CTNNA3: variants seen among roughly 807,000 people sequenced by gnomAD.
The protein encoded by CTNNA3 is catenin alpha-3.
Under a neutral mutation model 95.7 loss-of-function variants are expected in CTNNA3, and 76 were observed. That is an observed-to-expected ratio of 0.79 (90% CI 0.66 to 0.96). CTNNA3 has a LOEUF of 0.96. Ranked by LOEUF, CTNNA3 falls within the 40% of genes least tolerant of loss-of-function variation. The pLI, the probability that CTNNA3 is intolerant of heterozygous loss-of-function variation, is 0.00. For synonymous variants in CTNNA3, 431 were observed against 374.4 expected (o/e 1.15, Z -1.74); for missense variants, 1,191 against 1,089.8 (o/e 1.09, Z -1.31).
At chr10:67,485,759 C>T (rs1267216076) in intron 5 of CTNNA3, among the ~76,000 whole-genome samples, 3 of 152,174 alleles carry the variant, frequency 2.0e-5, no homozygotes, top group Non-Finnish European at 2.9e-5. Flanking sequence ...CAGAGGCTAA[C>T]GGCATACCTA....
Position 66,926,884 on chromosome 10 carries a change from T to C in CTNNA3, c.1048-151360A>G, listed in dbSNP as rs756867339. The C allele has an allele frequency of 1.8e-5, 27 of 1,517,746 alleles. No individual in the cohort carries two copies. In the South Asian group the frequency reaches 3.5e-4, roughly 19 times the overall value. The allele number at this position is 1,517,746 out of a possible 1,614,324, so 94.0% of individuals were successfully genotyped here. Reference sequence around the variant, plus strand: ...GCTTGATTAAGGATTAATTCTTTTTTGGGGGGATAACTTTTCTAAGTTGTT... The same window carrying C: ...GCTTGATTAAGGATTAATTCTTTTTCGGGGGGATAACTTTTCTAAGTTGTT... On this transcript the variant is annotated intron_variant, in intron 7 of 17. Coordinates refer to ENST00000433211, the MANE Select transcript of CTNNA3 (RefSeq NM_013266.4).
At chr10:67,199,100 C>T (rs1301271556) in intron 6 of CTNNA3, among the ~76,000 whole-genome samples, 4 of 151,588 alleles carry the variant, frequency 2.6e-5, no homozygotes, top group Admixed American at 1.3e-4. Flanking sequence ...AGGGGACTGA[C>T]AGGATAGAAG....
intron 14 of CTNNA3, among the ~76,000 whole-genome samples, chr10:66,101,679 T>A (rs565050480): frequency 6.6e-6 from 1 of 152,320 alleles, no homozygotes; most frequent in East Asian, 1.9e-4. Flanking sequence ...GATAGCTTTT[T>A]AAACATTCAT....
intron 7 of CTNNA3, among the ~76,000 whole-genome samples, chr10:67,034,064 G>A (rs570454832): frequency 3.7e-4 from 57 of 152,164 alleles, no homozygotes; most frequent in East Asian, 2.3e-3. Context: ...GAGCCACCGC[G>A]CCCGGCCTAT....
At chr10:67,273,220 CA>C (rs1839056974) in intron 5 of CTNNA3, among the ~76,000 whole-genome samples, 1 of 151,926 alleles carries the variant, frequency 6.6e-6, no homozygotes, top group South Asian at 2.1e-4. Context: ...AAAGTGCTTA[CA>C]ACTCAATAGA....
chr10:66,133,802 T>C (rs1441204641), intron 13 of CTNNA3, among the ~76,000 whole-genome samples: 5 of 152,098 alleles, frequency 3.3e-5, no homozygotes, highest in Non-Finnish European at 7.4e-5. Flanking sequence ...ATGAATGAGG[T>C]TAGGAAAACT....
chr10:67,363,578 A>C (rs1223078435), intron 5 of CTNNA3, among the ~76,000 whole-genome samples: 1 of 152,118 alleles, frequency 6.6e-6, no homozygotes, highest in Non-Finnish European at 1.5e-5. Context: ...TAGCAAGACT[A>C]ATAAAGAAGA....
intron 13 of CTNNA3, among the ~76,000 whole-genome samples, chr10:66,189,600 T>TTATATATATATATATATATATATATA (rs539638553): frequency 0.013 from 1,146 of 88,194 alleles, 28 homozygotes; most frequent in African/African-American, 0.03. Context: ...TACTATAGAT[T>TTATATATATATATATATATATATATA]TATATATATA....
At chr10:66,102,165 G>T (rs540800783) in intron 14 of CTNNA3, among the ~76,000 whole-genome samples, 4 of 152,162 alleles carry the variant, frequency 2.6e-5, no homozygotes, top group East Asian at 3.9e-4. Context: ...AGAGGGAAAG[G>T]TTAGGAATTT....
chr10:67,712,759 C>T (rs2133612405), intron 1 of CTNNA3, among the ~76,000 whole-genome samples: 1 of 152,274 alleles, frequency 6.6e-6, no homozygotes, highest in African/African-American at 2.4e-5. Flanking sequence ...GGACCTCGTC[C>T]TTACACCTTA....
intron 7 of CTNNA3, among the ~76,000 whole-genome samples, chr10:66,807,385 G>A (rs1391796740): frequency 6.6e-6 from 1 of 152,076 alleles, no homozygotes; most frequent in Non-Finnish European, 1.5e-5. Context: ...AGCATGATTG[G>A]TGACTGTGCC....
intron 1 of CTNNA3, among the ~76,000 whole-genome samples, chr10:67,748,035 C>G (rs1341966325): frequency 6.6e-6 from 1 of 151,968 alleles, no homozygotes; most frequent in Non-Finnish European, 1.5e-5. Flanking sequence ...TGAAACAGAG[C>G]AGGAAGACAA....
chr10:66,326,807 T>C (rs2092259855), intron 12 of CTNNA3, among the ~76,000 whole-genome samples: 1 of 152,082 alleles, frequency 6.6e-6, no homozygotes, highest in South Asian at 2.1e-4. Flanking sequence ...GTAACAAATA[T>C]ATTTTAAAAA....
chr10:66,459,905 T>G (rs2093517416), intron 11 of CTNNA3, among the ~76,000 whole-genome samples: 1 of 152,200 alleles, frequency 6.6e-6, no homozygotes, highest in Non-Finnish European at 1.5e-5. Context: ...ATTTATTTTT[T>G]TAATTTCTTA....
Position 67,471,429 on chromosome 10 carries a change from A to G in CTNNA3, c.579+50413T>C, listed in dbSNP as rs16924512. Among the ~76,000 whole-genome samples, 488 of 152,346 alleles carry G rather than the reference A, an allele frequency of 3.2e-3. 16 individuals are homozygous for G. The highest frequency in any genetic ancestry group is 0.021 in the Admixed American group (321 of 15,302). ...ATTATGAAGCTAAATCTGAACTTCA[A>G]TGGCTTAAACTTCTGCTGAAGCAGT... On this transcript the variant is annotated intron_variant, in intron 5 of 17. Transcript: ENST00000433211.
chr10:65,944,523 T>C lies in CTNNA3; in HGVS notation c.2400+22089A>G, dbSNP rs967996717. Among the ~76,000 whole-genome samples the C allele has an allele frequency of 9.2e-5, 14 of 152,196 alleles. 1 individual carries two copies. The highest frequency in any genetic ancestry group is 2.7e-4 in the African/African-American group (11 of 41,448). The stretch of plus-strand genomic sequence containing the variant: ...GAAAAAAGAATTACTGCATGAACCA[T>C]GGATGAGCATAATTAAGGGGGAAGG... On this transcript the variant is annotated intron_variant, in intron 17 of 17. Transcript: ENST00000433211.
chr10:67,293,713 G>A lies in CTNNA3; in HGVS notation c.580-73843C>T, dbSNP rs188186429. Among the ~76,000 whole-genome samples the A allele has an allele frequency of 4.9e-3, 637 of 130,028 alleles. 8 individuals are homozygous for A. The highest frequency in any genetic ancestry group is 0.018 in the African/African-American group (597 of 33,034). 85.3% of individuals were successfully genotyped at this position (130,028 alleles called of 152,430 possible). ...CCCAGTGTGTGATGTCCCCCTTCCTGTGTCCATGTGTTCTCATTGTTCAAT... is the reference window on the plus strand; with the variant it reads ...CCCAGTGTGTGATGTCCCCCTTCCTATGTCCATGTGTTCTCATTGTTCAAT... On this transcript the variant is annotated intron_variant, in intron 5 of 17. Coordinates refer to ENST00000433211, the MANE Select transcript of CTNNA3 (RefSeq NM_013266.4).
At chr10:67,382,986 T>C (rs939210403) in intron 5 of CTNNA3, among the ~76,000 whole-genome samples, 4 of 152,042 alleles carry the variant, frequency 2.6e-5, no homozygotes, top group African/African-American at 7.2e-5. Context: ...ACCTCCAACA[T>C]TGGAGGTCAC....
chr10:66,041,383 T>G (rs1415736136), intron 15 of CTNNA3, among the ~76,000 whole-genome samples: 1 of 152,190 alleles, frequency 6.6e-6, no homozygotes, highest in Non-Finnish European at 1.5e-5. Flanking sequence ...TAGTAATTAA[T>G]AGCAGTAATA....
Sources: gnomAD v4.1 joint callset for allele counts (sites outside exome capture counted in the v4.1 genomes callset) on GRCh38, gnomAD v4.1.1 for gene constraint, MANE v1.5 for transcripts, NCBI Gene and HGNC (gene_info 2026-07-23, HGNC 2026-07-21) for gene names.